The following HMCN1 variants were observed in gnomAD, a reference collection of about 807,000 sequenced individuals.
HMCN1 encodes hemicentin 1.
HMCN1 carries 321 observed loss-of-function variants against 625.9 expected under a neutral mutation model. That is an observed-to-expected ratio of 0.51 (90% CI 0.47 to 0.56). The LOEUF (loss-of-function observed/expected upper bound fraction) is 0.56. Among genes scored for constraint, HMCN1 ranks in the 20% least tolerant of loss-of-function variants. The pLI is 0.00. For missense variants in HMCN1, 6,588 were observed against 6,887.3 expected, an observed-to-expected ratio of 0.96 and a Z score of 1.54; for synonymous variants, 2,425 against 2,417.6, an observed-to-expected ratio of 1.00 and a Z score of -0.09.
chr1:185,761,976 A>G (rs547973297), intron 1 of HMCN1, among the ~76,000 whole-genome samples: 2 of 152,328 alleles, frequency 1.3e-5, no homozygotes, highest in Admixed American at 1.3e-4. Context: ...TGTACAAAGG[A>G]TAAGTTTCTG....
At chr1:185,996,529 G>A (rs78440113) in intron 24 of HMCN1, among the ~76,000 whole-genome samples, 121 of 152,204 alleles carry the variant, frequency 7.9e-4, no homozygotes, top group Admixed American at 2.2e-3. Context: ...AGAAGTTATC[G>A]TTGGGAAAGT....
chr1:186,037,667 A>C (rs997722400), intron 36 of HMCN1, among the ~76,000 whole-genome samples: 4 of 152,138 alleles, frequency 2.6e-5, no homozygotes, highest in Admixed American at 2.6e-4. Flanking sequence ...TGTTTCTTTA[A>C]CTTTTTTTTA....
chr1:185,798,934 G>A (rs1406082153), intron 1 of HMCN1, among the ~76,000 whole-genome samples: 1 of 152,006 alleles, frequency 6.6e-6, no homozygotes. Flanking sequence ...GTCCTTTGGG[G>A]TGTTGTAACA....
At chr1:185,826,139 A>G (rs193157464) in intron 1 of HMCN1, among the ~76,000 whole-genome samples, 24 of 152,282 alleles carry the variant, frequency 1.6e-4, no homozygotes, top group African/African-American at 5.8e-4. Flanking sequence ...GCCAGACACA[A>G]AGTAGATGGT....
intron 50 of HMCN1, among the ~76,000 whole-genome samples, chr1:186,069,400 C>A (rs776714415): frequency 2.6e-5 from 4 of 152,156 alleles, no homozygotes. Flanking sequence ...AGGATCTTAG[C>A]TAGAGTGGTA....
Position 186,117,630 on chromosome 1 carries a change from C to T in HMCN1, c.11848+7C>T. ...TATAGAATTCTGTCCTCAGGTAAGA[C>T]CAAGCTCAGTGATTTCACATCTATT... On this transcript the variant is annotated splice_region_variant and intron_variant, in intron 77 of 106. Coordinates refer to ENST00000271588, the MANE Select transcript of HMCN1 (RefSeq NM_031935.3). 6.2e-7 allele frequency: 1 copy of T among 1,612,054 alleles called. No homozygotes were observed. Among genetic ancestry groups the T allele is most frequent in the Non-Finnish European group, 8.5e-7 (1 of 1,178,388 alleles).
At chr1:185,825,370 A>C (rs1346114764) in intron 1 of HMCN1, among the ~76,000 whole-genome samples, 2 of 152,174 alleles carry the variant, frequency 1.3e-5, no homozygotes, top group East Asian at 3.8e-4. Flanking sequence ...AAATTTAATA[A>C]AACTTTATTT....
chr1:186,087,235 T>G lies in HMCN1; in HGVS notation c.9065T>G (p.Ile3022Ser). Residue 3022 changes from isoleucine (I) to serine (S), a missense_variant, in exon 59 of 107, where the codon ATT (isoleucine) becomes AGT (serine). Ile to Ser is a moderately radical substitution (Grantham distance 142). Coordinates refer to ENST00000271588, the MANE Select transcript of HMCN1 (RefSeq NM_031935.3). ...LIVPGGRTLQIIRAKVSDGGE... is the reference protein window; with the variant it reads ...LIVPGGRTLQSIRAKVSDGGE... ...CCTACAGGTGGTCGAACTCTACAGATTATTCGGGCCAAGGTATCAGATGGT... is the reference window on the plus strand; with the variant it reads ...CCTACAGGTGGTCGAACTCTACAGAGTATTCGGGCCAAGGTATCAGATGGT... The G allele has an allele frequency of 1.2e-6, 2 of 1,612,306 alleles. No homozygotes were observed. The highest frequency in any genetic ancestry group is 1.7e-6 in the Non-Finnish European group (2 of 1,178,598).
At chr1:185,950,016 G>A (rs1255422235) in intron 11 of HMCN1, among the ~76,000 whole-genome samples, 1 of 151,880 alleles carries the variant, frequency 6.6e-6, no homozygotes. Context: ...CTGGTGTGTG[G>A]CGATTAGGCC....
intron 29 of HMCN1, among the ~76,000 whole-genome samples, chr1:186,005,394 G>GTTTATAAATGTTTATAAACAAA (rs1653535695): frequency 8.3e-6 from 1 of 121,090 alleles, no homozygotes; most frequent in Non-Finnish European, 1.7e-5. Context: ...TTATAAACAA[G>GTTTATAAATGTTTATAAACAAA]TTTTTAATTG....
chr1:185,926,182 T>C (rs975007467), intron 9 of HMCN1, among the ~76,000 whole-genome samples: 2 of 152,230 alleles, frequency 1.3e-5, no homozygotes, highest in Non-Finnish European at 2.9e-5. Context: ...GGAATTATTG[T>C]TTTATCAGAC....
intron 4 of HMCN1, among the ~76,000 whole-genome samples, chr1:185,884,829 G>A (rs536395724): frequency 1.5e-4 from 23 of 152,046 alleles, no homozygotes; most frequent in African/African-American, 3.9e-4. Context: ...ACTTTATTAC[G>A]TTATATATTG....
At chr1:186,031,791 G>A (rs1655455930) in intron 36 of HMCN1, among the ~76,000 whole-genome samples, 1 of 151,938 alleles carries the variant, frequency 6.6e-6, no homozygotes. Context: ...TCTTCCAGGT[G>A]TTGAGTTTTT....
At chr1:186,085,428 G>A (rs1473708709) in intron 57 of HMCN1, among the ~76,000 whole-genome samples, 1 of 152,020 alleles carries the variant, frequency 6.6e-6, no homozygotes, top group African/African-American at 2.4e-5. Flanking sequence ...GAGCATGCTT[G>A]GTGAGAGAGA....
chr1:185,753,537 G>A (rs1045835231), intron 1 of HMCN1, among the ~76,000 whole-genome samples: 10 of 151,742 alleles, frequency 6.6e-5, no homozygotes, highest in African/African-American at 2.4e-4. Flanking sequence ...AAATTTAAAT[G>A]TTTCTTTTTA....
rs763891582 is a variant in HMCN1 at position 186,182,189 on chromosome 1, C to G, written c.16316C>G (p.Thr5439Arg). The G allele has an allele frequency of 6.2e-7, 1 of 1,613,192 alleles. No individual in the cohort carries two copies. Among genetic ancestry groups the G allele is most frequent in the South Asian group, 1.1e-5 (1 of 91,060 alleles). The change falls in exon 105 of 107, where the codon ACA becomes AGA. Residue 5439 changes from threonine to arginine, a missense_variant. Thr to Arg is a moderately conservative substitution (Grantham distance 71). Around this residue, in one of 3 missense-constraint regions of HMCN1, gnomAD observed 1,954 missense variants for 2,013.1 expected, o/e 0.97. Transcript: ENST00000271588. ...ACAGATATTGATGAATGTGAAAATA[C>G]AGATGCCTGCCAGCATGAGTGTAAG... ...TCVDIDECEN[T>R]DACQHECKNT... is the part of the protein sequence containing the mutation.
At chr1:185,877,746 AC>A (rs1664049926) in intron 4 of HMCN1, among the ~76,000 whole-genome samples, 1 of 148,980 alleles carries the variant, frequency 6.7e-6, no homozygotes, top group African/African-American at 2.5e-5. Context: ...CTTTTTTTTG[AC>A]TTTTATTTTA....
intron 33 of HMCN1, among the ~76,000 whole-genome samples, 180 bp downstream of exon 33, chr1:186,017,251 C>G (rs908899667): frequency 6.6e-6 from 1 of 151,964 alleles, no homozygotes; most frequent in African/African-American, 2.4e-5. Context: ...TCCAAAGGCA[C>G]CTAAATTTGC....
At chr1:185,845,385 T>C (rs1661748995) in intron 1 of HMCN1, among the ~76,000 whole-genome samples, 1 of 151,990 alleles carries the variant, frequency 6.6e-6, no homozygotes, top group Non-Finnish European at 1.5e-5. Flanking sequence ...GCCTGGCTAA[T>C]TTTTTTGTAT....
Sources: allele counts gnomAD v4.1 joint callset (sites outside exome capture counted in the v4.1 genomes callset), GRCh38; gene constraint gnomAD v4.1.1; regional missense constraint gnomAD v4.1.1; transcripts MANE v1.5; gene names NCBI Gene and HGNC (gene_info 2026-07-23, HGNC 2026-07-21).